APBA1: variants seen among roughly 807,000 people sequenced by gnomAD.
APBA1 encodes amyloid beta precursor protein binding family A member 1.
Under a neutral mutation model 86.6 loss-of-function variants are expected in APBA1, and 55 were observed. The observed-to-expected ratio is 0.64, with a 90% confidence interval of 0.51 to 0.80. The LOEUF is 0.80. Among genes scored for constraint, APBA1 ranks in the 30% least tolerant of loss-of-function variants. APBA1 has a pLI of 0.00. For synonymous variants in APBA1, 511 were observed against 493.9 expected, an observed-to-expected ratio of 1.03 and a Z score of -0.46; for missense variants, 1,090 against 1,183.0, an observed-to-expected ratio of 0.92 and a Z score of 1.15.
At chr9:69,618,294 A>T (rs1822745264) in intron 1 of APBA1, among the ~76,000 whole-genome samples, 1 of 152,170 alleles carries the variant, frequency 6.6e-6, no homozygotes, top group Non-Finnish European at 1.5e-5. Context: ...ATGCATTGAC[A>T]CCAGTGACTT....
chr9:69,564,671 T>C (rs1427319031), intron 1 of APBA1, among the ~76,000 whole-genome samples: 3 of 152,122 alleles, frequency 2.0e-5, no homozygotes, highest in Non-Finnish European at 4.4e-5. Context: ...AATCAGAAAA[T>C]AGCAAGTGTT....
chr9:69,465,003 G>T (rs1225899997), intron 5 of APBA1: 1 of 152,250 alleles, frequency 6.6e-6, no homozygotes, highest in Non-Finnish European at 1.5e-5. Context: ...AACCTCAGAA[G>T]TCTTCAGTAC....
intron 1 of APBA1, among the ~76,000 whole-genome samples, chr9:69,548,817 C>T (rs1426027416): frequency 6.6e-6 from 1 of 152,238 alleles, no homozygotes; most frequent in Non-Finnish European, 1.5e-5. Context: ...CTCCCCTCCT[C>T]CCCACAAAGC....
chr9:69,619,740 A>G (rs1490052180), intron 1 of APBA1, among the ~76,000 whole-genome samples: 2 of 152,200 alleles, frequency 1.3e-5, no homozygotes, highest in Non-Finnish European at 2.9e-5. Context: ...TGAGCATAAC[A>G]CAGAGTCATG....
chr9:69,605,854 A>G (rs1822459637), intron 1 of APBA1, among the ~76,000 whole-genome samples: 1 of 152,240 alleles, frequency 6.6e-6, no homozygotes, highest in African/African-American at 2.4e-5. Context: ...TGACTGTGGT[A>G]TTCCCAGCAC....
intron 9 of APBA1, among the ~76,000 whole-genome samples, chr9:69,450,056 G>GTTTTTTTTTTTT (rs58417611): frequency 1.1e-5 from 1 of 94,162 alleles, no homozygotes; most frequent in Non-Finnish European, 2.0e-5. Context: ...AGGACCACCA[G>GTTTTTTTTTTTT]TTTTTTTTTT....
intron 1 of APBA1, among the ~76,000 whole-genome samples, chr9:69,567,472 G>A (rs1018624500): frequency 1.3e-5 from 2 of 151,488 alleles, no homozygotes; most frequent in African/African-American, 4.9e-5. Flanking sequence ...TGTCCACAAC[G>A]TGCAGGTTTG....
At chr9:69,611,294 A>AC (rs1157827199) in intron 1 of APBA1, among the ~76,000 whole-genome samples, 15 of 151,152 alleles carry the variant, frequency 9.9e-5, no homozygotes, top group Non-Finnish European at 1.3e-4. Context: ...GGAAAAAAAA[A>AC]AAAAAAAAAA....
intron 4 of APBA1, among the ~76,000 whole-genome samples, chr9:69,470,704 C>G (rs925289607): frequency 2.6e-5 from 4 of 152,202 alleles, no homozygotes; most frequent in African/African-American, 9.7e-5. Flanking sequence ...GACACACCCT[C>G]AGAGAGATGT....
At position 69,512,766 on chromosome 9, in the gene APBA1, A is replaced by G. The variant is rs114908312; in HGVS notation, c.1200+3245T>C. Among the ~76,000 whole-genome samples the G allele has an allele frequency of 7.2e-3, 1,090 of 152,296 alleles. 11 individuals carry two copies. Among genetic ancestry groups the G allele is most frequent in the African/African-American group, 0.024 (1,015 of 41,562 alleles). ...ACAAAACAAAATAAAATAAAATGAA[A>G]CAACCAGATCACTGAGACCCACATC... On this transcript the variant is annotated intron_variant, in intron 2 of 12. Transcript: ENST00000265381.
intron 2 of APBA1, among the ~76,000 whole-genome samples, chr9:69,492,548 T>C (rs745351878): frequency 4.6e-5 from 7 of 152,056 alleles, no homozygotes; most frequent in African/African-American, 7.2e-5. Context: ...ACACTCTTAA[T>C]GGTCTAATTG....
intron 1 of APBA1, among the ~76,000 whole-genome samples, chr9:69,626,685 C>T (rs566589374): frequency 6.6e-6 from 1 of 152,064 alleles, no homozygotes; most frequent in African/African-American, 2.4e-5. Flanking sequence ...CTCTTTAAGA[C>T]TTGGCCAAAT....
intron 8 of APBA1, among the ~76,000 whole-genome samples, 190 bp downstream of exon 8, chr9:69,456,054 GCCT>G (rs1412043148): frequency 6.6e-6 from 1 of 152,062 alleles, no homozygotes; most frequent in African/African-American, 2.4e-5. Context: ...TTGATTTTCT[GCCT>G]CCTTTCAGCC....
intron 1 of APBA1, among the ~76,000 whole-genome samples, chr9:69,590,099 A>C (rs901543528): frequency 2.6e-5 from 4 of 152,110 alleles, no homozygotes; most frequent in African/African-American, 9.7e-5. Context: ...GATGGTCCAC[A>C]TGCTCTTCCT....
Position 69,611,302 on chromosome 9 carries a change from A to C in APBA1, c.-70+60851T>G, listed in dbSNP as rs551980013. Among the ~76,000 whole-genome samples the C allele has an allele frequency of 6.7e-4, 101 of 151,218 alleles. No individual in the cohort carries two copies. In the East Asian group the frequency reaches 0.019, roughly 28 times the overall value. The stretch of plus-strand genomic sequence containing the variant: ...CAGAAAAGGAAAAAAAAAAAAAAAA[A>C]AACAAAAAAAAAACCCAAACCGGCT... On this transcript the variant is annotated intron_variant, in intron 1 of 12. Transcript: ENST00000265381.
At chr9:69,468,427 GC>G (rs35915227) in intron 4 of APBA1, among the ~76,000 whole-genome samples, 81,757 of 151,502 alleles carry the variant, frequency 0.54, 23,143 homozygotes, top group African/African-American at 0.72. Context: ...CCTATTACTT[GC>G]CCCCCCCCAT....
intron 1 of APBA1, among the ~76,000 whole-genome samples, chr9:69,594,594 T>C (rs1487243972): frequency 1.3e-5 from 2 of 152,220 alleles, no homozygotes; most frequent in East Asian, 1.9e-4. Flanking sequence ...TATAATATTC[T>C]TGGGTACAAC....
intron 1 of APBA1, among the ~76,000 whole-genome samples, chr9:69,545,646 T>C (rs1384361242): frequency 6.6e-6 from 1 of 152,228 alleles, no homozygotes; most frequent in Non-Finnish European, 1.5e-5. Context: ...CACGTTGATG[T>C]CAGAGCCTGA....
At chr9:69,636,668 T>A (rs2134003348) in intron 1 of APBA1, among the ~76,000 whole-genome samples, 1 of 151,422 alleles carries the variant, frequency 6.6e-6, no homozygotes, top group Admixed American at 6.6e-5. Flanking sequence ...GTGGCATGTG[T>A]CTGTAGTCCC....
Sources: allele counts gnomAD v4.1 joint callset (sites outside exome capture counted in the v4.1 genomes callset), GRCh38; gene constraint gnomAD v4.1.1; transcripts MANE v1.5; gene names NCBI Gene and HGNC (gene_info 2026-07-23, HGNC 2026-07-21).